Variants in SAMD12 observed in about 807,000 individuals in gnomAD.
The protein encoded by SAMD12 is sterile alpha motif domain containing 12.
SAMD12 carries 9 observed loss-of-function variants against 15.0 expected under a neutral mutation model. That is an observed-to-expected ratio of 0.60 (90% confidence interval 0.36 to 1.05). The LOEUF is 1.05. Among genes scored for constraint, SAMD12 ranks in the 50% least tolerant of loss-of-function variants. SAMD12 has a pLI of 0.01. For synonymous variants in SAMD12, 86 were observed against 90.1 expected, an observed-to-expected ratio of 0.96 and a Z score of 0.25; for missense variants, 230 against 234.2, an observed-to-expected ratio of 0.98 and a Z score of 0.12.
In SAMD12 at chr8:118,621,911, T is replaced by G; in HGVS notation, c.-95A>C. 7.0e-7 allele frequency: 1 copy of G among 1,428,808 alleles called. No homozygotes were observed. The highest frequency in any genetic ancestry group is 9.9e-7 in the Non-Finnish European group (1 of 1,011,098). 88.5% of individuals were successfully genotyped at this position (1,428,808 alleles called of 1,614,324 possible). The stretch of plus-strand genomic sequence containing the variant: ...CCTTCCTCTCGCTTTCGCCTAAATA[T>G]TCTGCGCTTATCTGCTCCAGGACCA... On this transcript the variant is annotated 5_prime_UTR_variant, in exon 1 of 4. Coordinates refer to ENST00000314727, the MANE Select transcript of SAMD12 (RefSeq NM_207506.3).
chr8:118,391,025 T>A (rs1720520214), intron 3 of SAMD12, among the ~76,000 whole-genome samples: 1 of 152,142 alleles, frequency 6.6e-6, no homozygotes, highest in African/African-American at 2.4e-5. Context: ...TGACCCTGCA[T>A]TGTTTTTAGC....
the SAMD12 span, among the ~76,000 whole-genome samples, chr8:118,152,643 C>T: frequency 3.3e-5 from 5 of 152,056 alleles, no homozygotes; most frequent in Admixed American, 2.6e-4. Flanking sequence ...GGACTACAGG[C>T]GTGCACCACC....
At chr8:118,182,220 G>C in the SAMD12 span, among the ~76,000 whole-genome samples, 1 of 152,116 alleles carries the variant, frequency 6.6e-6, no homozygotes, top group Non-Finnish European at 1.5e-5. Flanking sequence ...ATCTCCTAAG[G>C]TGATACATCT....
intron 2 of SAMD12, among the ~76,000 whole-genome samples, chr8:118,455,917 A>G (rs572884866): frequency 1.3e-5 from 2 of 152,302 alleles, no homozygotes; most frequent in African/African-American, 4.8e-5. Flanking sequence ...CTTCCACCTC[A>G]TTCAAAGGCA....
rs538412727 is a variant in SAMD12, at chr8:118,362,877, C to T, written c.433+16683G>A. On this transcript the variant is annotated intron_variant, in intron 4 of 4. Transcript: ENST00000409003. ...AAGAAATGCTATGCTGACATCTCTG[C>T]TTCATTATGATGCCAAGTTGAAAAA... Among the ~76,000 whole-genome samples the T allele has an allele frequency of 3.3e-5, 5 of 152,288 alleles. No homozygotes were observed. The East Asian group carries it at 7.7e-4, about 24-fold the overall frequency.
intron 3 of SAMD12, chr8:118,400,715 C>T (rs1170609872): frequency 1.3e-5 from 2 of 152,164 alleles, no homozygotes; most frequent in African/African-American, 4.8e-5. Flanking sequence ...TACATGCCTT[C>T]AGCTACAACA....
chr8:118,164,439 C>T, the SAMD12 span, among the ~76,000 whole-genome samples: 2 of 152,208 alleles, frequency 1.3e-5, no homozygotes, highest in Non-Finnish European at 2.9e-5. Context: ...TGTCTCCAGC[C>T]TGCAGGGGGT....
At chr8:118,349,493 A>T (rs987456946) in intron 4 of SAMD12, among the ~76,000 whole-genome samples, 1 of 152,208 alleles carries the variant, frequency 6.6e-6, no homozygotes, top group Non-Finnish European at 1.5e-5. Flanking sequence ...TAGGTTTGTC[A>T]TGTCCATAAC....
chr8:118,489,616 A>G (rs2131011170), intron 2 of SAMD12, among the ~76,000 whole-genome samples: 1 of 152,274 alleles, frequency 6.6e-6, no homozygotes, highest in South Asian at 2.1e-4. Flanking sequence ...GGTGCTTTAA[A>G]ATCCTTCCTA....
At chr8:118,132,032 A>G in the SAMD12 span, among the ~76,000 whole-genome samples, 1 of 152,246 alleles carries the variant, frequency 6.6e-6, no homozygotes, top group Admixed American at 6.5e-5. Flanking sequence ...AATCAATGTC[A>G]GTATTTCCAC....
chr8:118,566,199 A>G (rs918262764), intron 2 of SAMD12, among the ~76,000 whole-genome samples: 1 of 152,092 alleles, frequency 6.6e-6, no homozygotes. Context: ...TTTCTTTTCT[A>G]AGTAGGCTAT....
chr8:118,413,253 G>A (rs1369822268), intron 3 of SAMD12, among the ~76,000 whole-genome samples: 1 of 152,162 alleles, frequency 6.6e-6, no homozygotes, highest in Non-Finnish European at 1.5e-5. Context: ...ACTCATTTTG[G>A]AGGGTGTGTG....
At chr8:118,191,685 G>C (rs947091991) in exon 5 of SAMD12, 1 of 145,688 alleles carries the variant, frequency 6.9e-6, no homozygotes, top group Non-Finnish European at 1.5e-5. Flanking sequence ...AGTAGACATA[G>C]AGCCAGCAGG....
At chr8:118,560,343 G>A (rs1826667839) in intron 2 of SAMD12, among the ~76,000 whole-genome samples, 1 of 152,140 alleles carries the variant, frequency 6.6e-6, no homozygotes, top group Non-Finnish European at 1.5e-5. Context: ...TAGTCTTTAT[G>A]GTATGATATA....
At chr8:118,597,724 C>T (rs983243670) in intron 1 of SAMD12, among the ~76,000 whole-genome samples, 5 of 152,246 alleles carry the variant, frequency 3.3e-5, no homozygotes, top group Admixed American at 1.3e-4. Context: ...CTCCTTGTCA[C>T]TCAAGCCTCC....
chr8:118,440,677 CACACACACACACACACACAA>C (rs1277281890), intron 2 of SAMD12, among the ~76,000 whole-genome samples: 23 of 149,034 alleles, frequency 1.5e-4, no homozygotes, highest in African/African-American at 5.1e-4. Context: ...CACACACACA[CACACACACACACACACACAA>C]ACACACACAC....
intron 4 of SAMD12, among the ~76,000 whole-genome samples, chr8:118,210,875 T>A (rs140797379): frequency 3.3e-5 from 5 of 152,342 alleles, no homozygotes; most frequent in Admixed American, 2.0e-4. Flanking sequence ...AACCTCCACA[T>A]GATTTTGTTG....
intron 4 of SAMD12, among the ~76,000 whole-genome samples, chr8:118,366,415 T>C (rs1818770328): frequency 6.6e-6 from 1 of 152,242 alleles, no homozygotes; most frequent in Non-Finnish European, 1.5e-5. Flanking sequence ...TTCATCCCTG[T>C]ATCCCTAACA....
chr8:118,349,988 C>T (rs547893631), intron 4 of SAMD12, among the ~76,000 whole-genome samples: 11 of 152,122 alleles, frequency 7.2e-5, no homozygotes, highest in African/African-American at 2.4e-4. Context: ...GCTAGCCAGC[C>T]GTGGTGGTAC....
Sources: allele counts gnomAD v4.1 joint callset (sites outside exome capture counted in the v4.1 genomes callset), GRCh38; gene constraint gnomAD v4.1.1; transcripts MANE v1.5; gene names NCBI Gene and HGNC (gene_info 2026-07-23, HGNC 2026-07-21).